Variants in MAST4 observed in about 807,000 individuals in gnomAD.
The protein encoded by MAST4 is microtubule associated serine/threonine kinase family member 4, also known as microtubule-associated serine/threonine-protein kinase 4.
Under a neutral mutation model 162.7 loss-of-function variants are expected in MAST4, and 89 were observed. That is an observed-to-expected ratio of 0.55 (90% confidence interval 0.46 to 0.65). The LOEUF (loss-of-function observed/expected upper bound fraction) is 0.65. MAST4 is among the 30% of genes least tolerant of loss of function. MAST4 has a pLI of 0.00. For synonymous variants in MAST4, 1,479 were observed against 1,361.1 expected (o/e 1.09, Z -1.91); for missense variants, 3,153 against 3,374.0 (o/e 0.93, Z 1.62).
At chr5:66,860,292 A>G (rs185733909) in intron 3 of MAST4, among the ~76,000 whole-genome samples, 5 of 152,358 alleles carry the variant, frequency 3.3e-5, no homozygotes, top group African/African-American at 1.2e-4. Context: ...AGGAACTGCT[A>G]TATGTAACTG....
Position 67,114,052 on chromosome 5 carries a change from C to T in MAST4, c.1459-35C>T, listed in dbSNP as rs764878473. 5 of 1,611,446 alleles carry T rather than the reference C, an allele frequency of 3.1e-6. No individual in the cohort carries two copies. The East Asian group carries it at 1.1e-4, about 36-fold the overall frequency. ...AATAAAACCTCAGACAATTTTGGCT[C>T]AAAGAAGTATCCATCTGTGATTGTC... On this transcript the variant is annotated intron_variant, in intron 11 of 28. Transcript: ENST00000403625.
rs76815527 is a variant in MAST4 at position 66,631,235 on chromosome 5, G to A, written c.363+34217G>A. On this transcript the variant is annotated intron_variant, in intron 1 of 28. Transcript: ENST00000403625. ...ATAAAATCTGTGAGTTGCCATAAAT[G>A]GACTGAACTGACTTTTTGTTTGTTG... Among the ~76,000 whole-genome samples the A allele has an allele frequency of 5.6e-3, 853 of 152,232 alleles. 8 individuals carry two copies. Among genetic ancestry groups the A allele is most frequent in the African/African-American group, 0.02 (814 of 41,542 alleles).
intron 4 of MAST4, among the ~76,000 whole-genome samples, chr5:66,977,658 A>G (rs1748321056): frequency 1.3e-5 from 2 of 152,182 alleles, no homozygotes; most frequent in Admixed American, 6.5e-5. Flanking sequence ...GATGGTCCCC[A>G]TCAAGTTCTG....
intron 4 of MAST4, among the ~76,000 whole-genome samples, chr5:66,987,073 C>T (rs1749596500): frequency 6.6e-6 from 1 of 151,868 alleles, no homozygotes; most frequent in African/African-American, 2.4e-5. Context: ...ATTTAATAGC[C>T]TGAAAGAATA....
intron 1 of MAST4, among the ~76,000 whole-genome samples, chr5:66,679,274 A>G (rs1277517196): frequency 6.6e-6 from 1 of 152,212 alleles, no homozygotes; most frequent in African/African-American, 2.4e-5. Flanking sequence ...GGGGTTGACA[A>G]GGAAAGCAAC....
chr5:66,932,771 T>G (rs1273020721), intron 4 of MAST4, among the ~76,000 whole-genome samples: 3 of 152,196 alleles, frequency 2.0e-5, no homozygotes, highest in Non-Finnish European at 4.4e-5. Flanking sequence ...TTACACAGTT[T>G]TTATTCTGAT....
At chr5:66,769,261 T>G (rs1754253388) in intron 2 of MAST4, among the ~76,000 whole-genome samples, 1 of 152,030 alleles carries the variant, frequency 6.6e-6, no homozygotes, top group Non-Finnish European at 1.5e-5. Context: ...TGTACAGGAA[T>G]GAGAGGCAGT....
chr5:66,810,021 A>T (rs1756400284), intron 3 of MAST4, among the ~76,000 whole-genome samples: 1 of 152,194 alleles, frequency 6.6e-6, no homozygotes, highest in African/African-American at 2.4e-5. Context: ...ATAGTGGCAG[A>T]GTATGTCATT....
At chr5:66,672,947 A>G (rs1183090187) in intron 1 of MAST4, among the ~76,000 whole-genome samples, 1 of 152,204 alleles carries the variant, frequency 6.6e-6, no homozygotes, top group Non-Finnish European at 1.5e-5. Flanking sequence ...CATCCCTGTC[A>G]GCCCTTGGTG....
chr5:67,000,319 C>A (rs1466188147), intron 4 of MAST4, among the ~76,000 whole-genome samples: 1 of 152,350 alleles, frequency 6.6e-6, no homozygotes, highest in Middle Eastern at 3.4e-3. Flanking sequence ...GTGTCCTGCA[C>A]AGGGAGCTGA....
intron 1 of MAST4, among the ~76,000 whole-genome samples, chr5:66,648,157 C>T (rs1165430110): frequency 6.8e-6 from 1 of 147,020 alleles, no homozygotes; most frequent in Non-Finnish European, 1.5e-5. Context: ...GTAATTTAGG[C>T]CATAATATAT....
intron 1 of MAST4, among the ~76,000 whole-genome samples, chr5:66,748,870 A>C (rs1341069967): frequency 1.3e-5 from 2 of 151,472 alleles, no homozygotes; most frequent in Non-Finnish European, 2.9e-5. Flanking sequence ...AAAATCAATT[A>C]ATAGGTCCCA....
chr5:66,703,764 A>T (rs1481350339), intron 1 of MAST4, among the ~76,000 whole-genome samples: 1 of 152,162 alleles, frequency 6.6e-6, no homozygotes, highest in Non-Finnish European at 1.5e-5. Context: ...AATAGTCATT[A>T]AGCTAGTATA....
intron 4 of MAST4, among the ~76,000 whole-genome samples, chr5:66,919,603 G>A (rs1764349621): frequency 6.8e-6 from 1 of 147,630 alleles, no homozygotes; most frequent in Admixed American, 6.9e-5. Flanking sequence ...AGAGGTTGCA[G>A]TGAGCTGAGA....
intron 4 of MAST4, among the ~76,000 whole-genome samples, chr5:66,991,260 C>A (rs1253169377): frequency 1.3e-5 from 2 of 152,132 alleles, no homozygotes; most frequent in Admixed American, 6.5e-5. Flanking sequence ...TGGTATGGCT[C>A]ATATTTACGA....
At chr5:66,941,515 T>A (rs988097641) in intron 4 of MAST4, among the ~76,000 whole-genome samples, 4 of 152,166 alleles carry the variant, frequency 2.6e-5, no homozygotes, top group Non-Finnish European at 4.4e-5. Flanking sequence ...TTGCTCTAGA[T>A]TAGGCTTTGG....
intron 3 of MAST4, among the ~76,000 whole-genome samples, chr5:66,801,421 A>T (rs1755916913): frequency 6.6e-6 from 1 of 152,214 alleles, no homozygotes; most frequent in Admixed American, 6.5e-5. Flanking sequence ...ACCAGCTATC[A>T]GCTTCAATAT....
chr5:67,038,192 T>A (rs1404709184), intron 4 of MAST4, among the ~76,000 whole-genome samples: 1 of 152,048 alleles, frequency 6.6e-6, no homozygotes, highest in Non-Finnish European at 1.5e-5. Flanking sequence ...CAATTCTAGT[T>A]TAGATGATTT....
chr5:67,142,095 C>T lies in MAST4; in HGVS notation c.2495-20C>T. On this transcript the variant is annotated intron_variant, in intron 19 of 28. Transcript: ENST00000403625. ...GATAGTTTAACACTTTCCTCTCTGT[C>T]TCTACCTGCCCCCTTCCAGGTGGTG... is the stretch of plus-strand genomic sequence containing the variant. 5 of 1,611,440 alleles carry T rather than the reference C, an allele frequency of 3.1e-6. No individual in the cohort carries two copies. The Middle Eastern group carries it at 5.0e-4, about 160-fold the overall frequency.
Sources: allele counts gnomAD v4.1 joint callset (sites outside exome capture counted in the v4.1 genomes callset), GRCh38; gene constraint gnomAD v4.1.1; transcripts MANE v1.5; gene names NCBI Gene and HGNC (gene_info 2026-07-23, HGNC 2026-07-21).